Variants in GOLGA5 observed in about 807,000 individuals in gnomAD.
GOLGA5 encodes the protein golgin subfamily A member 5.
In GOLGA5, 50 loss-of-function variants were observed where a neutral mutation model predicts 93.5. The ratio of observed to expected loss-of-function variants is 0.53; its 90% CI spans 0.43 to 0.68. The LOEUF is 0.68. Among genes scored for constraint, GOLGA5 ranks in the 30% least tolerant of loss-of-function variants. The pLI, the probability that GOLGA5 is intolerant of heterozygous loss-of-function variation, is 0.00. For missense variants in GOLGA5, 760 were observed against 856.4 expected, an observed-to-expected ratio of 0.89 and a Z score of 1.40; for synonymous variants, 312 against 304.5, an observed-to-expected ratio of 1.02 and a Z score of -0.26.
intron 9 of GOLGA5, 117 bp from the exon 10 acceptor site, chr14:92,833,005 T>C: frequency 1.5e-6 from 1 of 682,920 alleles, no homozygotes; most frequent in South Asian, 1.7e-5. Context: ...TGAGTCAGTA[T>C]AGAGTTTTGA....
intron 8 of GOLGA5, among the ~76,000 whole-genome samples, chr14:92,822,735 C>A (rs1189312636): frequency 6.6e-6 from 1 of 152,168 alleles, no homozygotes; most frequent in Non-Finnish European, 1.5e-5. Context: ...CGGCTCACTG[C>A]AACCTCCGCC....
intron 3 of GOLGA5, among the ~76,000 whole-genome samples, chr14:92,807,475 T>TAA (rs1885013672): frequency 1.3e-5 from 2 of 152,268 alleles, no homozygotes; most frequent in South Asian, 2.1e-4. Context: ...ACCCAAAACA[T>TAA]AAGAGTATTC....
chr14:92,834,848 C>T (rs538751436), intron 10 of GOLGA5, among the ~76,000 whole-genome samples: 284 of 152,156 alleles, frequency 1.9e-3, no homozygotes, highest in African/African-American at 6.3e-3. Flanking sequence ...AAGAGGAGGC[C>T]GGAGGTGGGT....
At chr14:92,806,686 A>G in intron 2 of GOLGA5, 50 bp from the exon 3 acceptor site, 1 of 1,199,426 alleles carries the variant, frequency 8.3e-7, no homozygotes, top group Non-Finnish European at 1.2e-6. Context: ...TTGTTAATGC[A>G]TATGTGATGA....
intron 1 of GOLGA5, among the ~76,000 whole-genome samples, chr14:92,795,250 C>T (rs1334037430): frequency 6.6e-6 from 1 of 152,150 alleles, no homozygotes; most frequent in Non-Finnish European, 1.5e-5. Context: ...GTATGGTGTT[C>T]TGTATGTTAC....
In GOLGA5 at chr14:92,811,475, T is replaced by C. The variant is rs1595595002; in HGVS notation, c.1117-76T>C. ...GGCTGAGCTAATAAATCCCATAAGATATCCGAATGGATGGTTGTAAAATAT... is the reference window on the plus strand; with the variant it reads ...GGCTGAGCTAATAAATCCCATAAGACATCCGAATGGATGGTTGTAAAATAT... On this transcript the variant is annotated intron_variant, in intron 5 of 12. Transcript: ENST00000163416. 4 of 1,005,808 alleles carry C rather than the reference T, an allele frequency of 4.0e-6. No homozygotes were observed. The East Asian group carries it at 9.7e-5, about 24-fold the overall frequency. The allele number at this position is 1,005,808 out of a possible 1,614,324, so 62.3% of individuals were successfully genotyped here.
intron 6 of GOLGA5, among the ~76,000 whole-genome samples, chr14:92,814,311 G>A (rs2140322486): frequency 6.6e-6 from 1 of 152,278 alleles, no homozygotes; most frequent in Middle Eastern, 3.4e-3. Context: ...ACCAGGAGGA[G>A]ACTGATGCCA....
rs530496259 is a variant in GOLGA5 at position 92,837,848 on chromosome 14, G to T, written c.2115+399G>T. Reference sequence around the variant, plus strand: ...CAGAGTGCTGGGATTTCAGGAATGCGCCAACGCACCCAGCCAGCAGACAGT... The same window carrying T: ...CAGAGTGCTGGGATTTCAGGAATGCTCCAACGCACCCAGCCAGCAGACAGT... On this transcript the variant is annotated intron_variant, in intron 12 of 12. Coordinates refer to ENST00000163416, the MANE Select transcript of GOLGA5 (RefSeq NM_005113.4). Among the ~76,000 whole-genome samples, 3 of 152,304 alleles carry T rather than the reference G, an allele frequency of 2.0e-5. 1 individual carries two copies. Among genetic ancestry groups the T allele is most frequent in the Middle Eastern group, 6.8e-3 (2 of 294 alleles).
In GOLGA5 at chr14:92,839,762, G is replaced by C. The variant is rs1321419223; in HGVS notation, c.*316G>C. 3.3e-6 allele frequency: 1 copy of C among 303,988 alleles called. No individual in the cohort carries two copies. The highest frequency in any genetic ancestry group is 6.0e-6 in the Non-Finnish European group (1 of 165,568). 18.8% of individuals were successfully genotyped at this position (303,988 alleles called of 1,614,324 possible). ...GACCATCTGTATGTTAGGTGACATTGATTATGGGTTATAATCAGGGAAACT... is the reference window on the plus strand; with the variant it reads ...GACCATCTGTATGTTAGGTGACATTCATTATGGGTTATAATCAGGGAAACT... On this transcript the variant is annotated 3_prime_UTR_variant, in exon 13 of 13. Coordinates refer to ENST00000163416, the MANE Select transcript of GOLGA5 (RefSeq NM_005113.4).
chr14:92,823,476 C>T (rs10140878), intron 8 of GOLGA5, among the ~76,000 whole-genome samples: 14,788 of 150,588 alleles, frequency 0.098, 2,442 homozygotes, highest in African/African-American at 0.34. Context: ...TGCAGTGATG[C>T]GGTCACAGCT....
chr14:92,837,395 G>A lies in GOLGA5; in HGVS notation c.2061G>A (p.Leu687=). ...ACCTGTGTCTGCACAGTATTCGCCT[G>A]GGAATTTTTCTCCGAAGATACCCCA... ...ASSIDQFSIR[L]GIFLRRYPIA... Residue 687 remains leucine, a synonymous_variant, in exon 12 of 13, where the codon CTG becomes CTA. Coordinates refer to ENST00000163416, the MANE Select transcript of GOLGA5 (RefSeq NM_005113.4). The A allele has an allele frequency of 6.5e-7, 1 of 1,534,948 alleles. No individual in the cohort carries two copies. Among genetic ancestry groups the A allele is most frequent in the Non-Finnish European group, 9.0e-7 (1 of 1,108,592 alleles).
chr14:92,798,684 G>A lies in GOLGA5; in HGVS notation c.544+703G>A, dbSNP rs528803405. On this transcript the variant is annotated intron_variant, in intron 2 of 12. Coordinates refer to ENST00000163416, the MANE Select transcript of GOLGA5 (RefSeq NM_005113.4). ...TAATCCGAGCACTTTGGAACGCTGAGGCAGGCAGAGCACTCGTGCCCAGGA... is the reference window on the plus strand; with the variant it reads ...TAATCCGAGCACTTTGGAACGCTGAAGCAGGCAGAGCACTCGTGCCCAGGA... 1.1e-3 allele frequency among the ~76,000 whole-genome samples: 175 copies of A among 152,328 alleles called. 1 individual carries two copies. Among genetic ancestry groups the A allele is most frequent in the Admixed American group, 4.3e-3 (66 of 15,294 alleles).
chr14:92,837,253 GTTC>G (rs1403134004), intron 11 of GOLGA5, 130 bp from the exon 12 acceptor site: 13 of 544,308 alleles, frequency 2.4e-5, no homozygotes, highest in African/African-American at 3.9e-5. Context: ...TATAAAAATT[GTTC>G]TTCTGTGGTA....
intron 9 of GOLGA5, among the ~76,000 whole-genome samples, chr14:92,826,663 A>G (rs1595602072): frequency 6.6e-6 from 1 of 151,228 alleles, no homozygotes; most frequent in Admixed American, 6.6e-5. Flanking sequence ...GTGCCACTGC[A>G]CTCCAGTCTG....
chr14:92,816,454 C>G, intron 7 of GOLGA5, 33 bp downstream of exon 7: 1 of 1,578,156 alleles, frequency 6.3e-7, no homozygotes, highest in Non-Finnish European at 8.7e-7. Flanking sequence ...TTAGTAGACA[C>G]CATTTACCCT....
At chr14:92,823,754 A>G (rs1476069256) in intron 8 of GOLGA5, among the ~76,000 whole-genome samples, 1 of 152,144 alleles carries the variant, frequency 6.6e-6, no homozygotes, top group Non-Finnish European at 1.5e-5. Flanking sequence ...GAATACTAGA[A>G]TAACTTTACA....
intron 3 of GOLGA5, among the ~76,000 whole-genome samples, chr14:92,808,800 G>A (rs570921737): frequency 1.6e-4 from 24 of 151,978 alleles, no homozygotes; most frequent in African/African-American, 4.3e-4. Flanking sequence ...TGAGGGTATG[G>A]AAATGCCATT....
rs570133717 is a variant in GOLGA5, at chr14:92,837,288, A to C, written c.2052-98A>C. On this transcript the variant is annotated intron_variant, in intron 11 of 12. Transcript: ENST00000163416. Reference sequence around the variant, plus strand: ...GGTAGCCACATAAATAGTTTAAATGAGTTAAATTTATCAGCATCATTAGAT... The same window carrying C: ...GGTAGCCACATAAATAGTTTAAATGCGTTAAATTTATCAGCATCATTAGAT... 6.0e-4 allele frequency: 392 copies of C among 650,784 alleles called. 3 individuals are homozygous for C. The African/African-American group carries it at 6.7e-3, about 11-fold the overall frequency. 40.3% of individuals were successfully genotyped at this position (650,784 alleles called of 1,614,324 possible).
At position 92,818,830 on chromosome 14, in the gene GOLGA5, A is replaced by G. The variant is rs546358576; in HGVS notation, c.1492-878A>G. On this transcript the variant is annotated intron_variant, in intron 7 of 12. Transcript: ENST00000163416. ...CATGCTTAATCCATTTGGGGAAAAT[A>G]TAGAAACCTAGAGCCATGTTTTTGC... Among the ~76,000 whole-genome samples, 4 of 152,344 alleles carry G rather than the reference A, an allele frequency of 2.6e-5. No individual in the cohort carries two copies. In the East Asian group the frequency reaches 5.8e-4, roughly 22 times the overall value.
Sources: allele counts gnomAD v4.1 joint callset (sites outside exome capture counted in the v4.1 genomes callset), GRCh38; gene constraint gnomAD v4.1.1; transcripts MANE v1.5; gene names NCBI Gene and HGNC (gene_info 2026-07-23, HGNC 2026-07-21).